Variants in FOXD1 observed in about 807,000 individuals in gnomAD.
FOXD1 encodes the protein forkhead box protein D1.
A neutral mutation model predicts 2.0 loss-of-function variants in FOXD1; 4 were observed. The ratio of observed to expected loss-of-function variants is 2.03; its 90% confidence interval spans 1.00 to 4.64. The LOEUF is 4.64. Among genes scored for constraint, FOXD1 ranks in the 30% most tolerant of loss-of-function variants. FOXD1 has a pLI of 0.01. For synonymous variants in FOXD1, 354 were observed against 328.5 expected (o/e 1.08, Z -0.84); for missense variants, 586 against 647.6 (o/e 0.90, Z 1.03).
Position 73,447,405 on chromosome 5 carries a change from C to T in FOXD1, c.958G>A (p.Ala320Thr), listed in dbSNP as rs1010109650. 1 of 981,764 alleles carries T rather than the reference C, an allele frequency of 1.0e-6. No homozygotes were observed. Among genetic ancestry groups the T allele is most frequent in the Non-Finnish European group, 1.2e-6 (1 of 829,280 alleles). 60.8% of individuals were successfully genotyped at this position (981,764 alleles called of 1,614,324 possible). Residue 320 changes from alanine to threonine, a missense_variant, in exon 1 of 1, where the codon GCC becomes ACC. Transcript: ENST00000615637. This position sits in a 1 kb window ranked among gnomAD's most constrained non-coding sequence, Gnocchi z 7.8. ...PPPPPPHGAAAELARTAFGYR... is the reference protein window; with the variant it reads ...PPPPPPHGAATELARTAFGYR... The stretch of plus-strand genomic sequence containing the variant: ...CCGAAGGCGGTCCGGGCCAGCTCGG[C>T]GGCCGCGCCGTGCGGTGGCGGGGGC...
chr5:73,447,514 C>T lies in FOXD1; in HGVS notation c.849G>A (p.Pro283=), dbSNP rs1745527635. The T allele has an allele frequency of 2.0e-6, 2 of 1,019,672 alleles. No homozygotes were observed. Among genetic ancestry groups the T allele is most frequent in the Non-Finnish European group, 2.3e-6 (2 of 854,876 alleles). 63.2% of individuals were successfully genotyped at this position (1,019,672 alleles called of 1,614,324 possible). The change falls in exon 1 of 1, where the codon CCG becomes CCA. Residue 283 remains proline, a synonymous_variant. Coordinates refer to ENST00000615637, the MANE Select transcript of FOXD1 (RefSeq NM_004472.3). This position sits in a 1 kb window ranked among gnomAD's most constrained non-coding sequence, Gnocchi z 7.8. The stretch of plus-strand genomic sequence containing the variant: ...AGAGGGCCGAGGGCGGCGCGTAAGG[C>T]GGCAGCTGCAGGCCGTAGCCGCAGC... ...PYGCGYGLQL[P]PYAPPSALFA...
chr5:73,448,222 A>C lies in FOXD1; in HGVS notation c.141T>G (p.Ala47=). ...GCCGCCGCCGCCGCTGCGCGGGGACAGCCAGCCGGGGCCCGCCACCGCCGC... is the reference window on the plus strand; with the variant it reads ...GCCGCCGCCGCCGCTGCGCGGGGACCGCCAGCCGGGGCCCGCCACCGCCGC... ...DEGGGGGPRL[A]VPAQRRRRRR... Residue 47 remains alanine, a synonymous_variant, in exon 1 of 1, where the codon GCT becomes GCG. Transcript: ENST00000615637. The C allele has an allele frequency of 6.8e-7, 1 of 1,477,536 alleles. No individual in the cohort carries two copies. The highest frequency in any genetic ancestry group is 9.0e-7 in the Non-Finnish European group (1 of 1,108,126). 91.5% of individuals were successfully genotyped at this position (1,477,536 alleles called of 1,614,324 possible).
In FOXD1 at chr5:73,448,766, A is replaced by G. The variant is rs1745562711; in HGVS notation, c.-404T>C. ...TCTAAGAACAGAGCTCGGCGAGGCC[A>G]GGGCTGAGTCCAGGAGAGGGCGGAC... is the stretch of plus-strand genomic sequence containing the variant. On this transcript the variant is annotated 5_prime_UTR_variant, in exon 1 of 1. Coordinates refer to ENST00000615637, the MANE Select transcript of FOXD1 (RefSeq NM_004472.3). Among the ~76,000 whole-genome samples, 1 of 152,202 alleles carries G rather than the reference A, an allele frequency of 6.6e-6. No homozygotes were observed. The highest frequency in any genetic ancestry group is 2.1e-4 in the South Asian group (1 of 4,834).
At position 73,447,205 on chromosome 5, in the gene FOXD1, GGCGGCGGCCTGCGCGGCGGCGGCGGCA is replaced by G. The variant is rs1161810384; in HGVS notation, c.1131_1157del (p.Ala380_Ala388del). On this transcript the variant is annotated inframe_deletion, in exon 1 of 1. Transcript: ENST00000615637. This position sits in a 1 kb window ranked among gnomAD's most constrained non-coding sequence, Gnocchi z 7.8. Reference sequence around the variant, plus strand: ...AGGGCGAGGGCGAGGCCTGAGCGGCGGCGGCGGCCTGCGCGGCGGCGGCGGCAGCGGCGGCCGGGCCCAAGCTGCCCC... The same window carrying G: ...AGGGCGAGGGCGAGGCCTGAGCGGCGGCGGCGGCCGGGCCCAAGCTGCCCC... 4.5e-5 allele frequency: 41 copies of G among 905,944 alleles called. No individual in the cohort carries two copies. The highest frequency in any genetic ancestry group is 5.1e-5 in the Non-Finnish European group (39 of 757,466). 56.1% of individuals were successfully genotyped at this position (905,944 alleles called of 1,614,324 possible).
In FOXD1 at chr5:73,446,819, T is replaced by G. The variant is rs1359613135; in HGVS notation, c.*146A>C. ...AGGCGCGCCCGGGCTGTTGACAGTTTTGTCCGAGAATTCGCAGCGGCGAAA... is the reference window on the plus strand; with the variant it reads ...AGGCGCGCCCGGGCTGTTGACAGTTGTGTCCGAGAATTCGCAGCGGCGAAA... On this transcript the variant is annotated 3_prime_UTR_variant, in exon 1 of 1. Coordinates refer to ENST00000615637, the MANE Select transcript of FOXD1 (RefSeq NM_004472.3). 2 of 720,114 alleles carry G rather than the reference T, an allele frequency of 2.8e-6. No homozygotes were observed. Among genetic ancestry groups the G allele is most frequent in the Non-Finnish European group, 4.6e-6 (2 of 431,886 alleles). 44.6% of individuals were successfully genotyped at this position (720,114 alleles called of 1,614,324 possible). A position where few individuals can be genotyped will look rare whatever the true frequency, so the allele number is the denominator to read the frequency against.
In FOXD1 at chr5:73,448,479, G is replaced by GCC; in HGVS notation, c.-118_-117insGG. ...GGCCGGGGGGCGCCACGCTGGGGGCGCTGCGACTGCGGCTGCCGGAGCTGC... is the reference window on the plus strand; with the variant it reads ...GGCCGGGGGGCGCCACGCTGGGGGCGCCCTGCGACTGCGGCTGCCGGAGCTGC... On this transcript the variant is annotated 5_prime_UTR_variant, in exon 1 of 1. Transcript: ENST00000615637. The GCC allele has an allele frequency of 1.8e-6, 1 of 542,264 alleles. No individual in the cohort carries two copies. The highest frequency in any genetic ancestry group is 2.4e-6 in the Non-Finnish European group (1 of 424,692). 33.6% of individuals were successfully genotyped at this position (542,264 alleles called of 1,614,324 possible). A position where few individuals can be genotyped will look rare whatever the true frequency, so the allele number is the denominator to read the frequency against.
chr5:73,448,411 G>GGGCTCCC lies in FOXD1; in HGVS notation c.-56_-50dup. 1 of 1,114,566 alleles carries GGGCTCCC rather than the reference G, an allele frequency of 9.0e-7. No homozygotes were observed. The highest frequency in any genetic ancestry group is 1.1e-6 in the Non-Finnish European group (1 of 903,214). 69.0% of individuals were successfully genotyped at this position (1,114,566 alleles called of 1,614,324 possible). Reference sequence around the variant, plus strand: ...GCGGCGCATGGGGGCGCCGGGCTCCGGGCTCCCTCTGCGCCCCAGCCCGGG... The same window carrying GGGCTCCC: ...GCGGCGCATGGGGGCGCCGGGCTCCGGGCTCCCGGCTCCCTCTGCGCCCCAGCCCGGG... On this transcript the variant is annotated 5_prime_UTR_variant, in exon 1 of 1. Transcript: ENST00000615637.
rs772738441 is a variant in FOXD1 at position 73,447,712 on chromosome 5, C to T, written c.651G>A (p.Arg217=). 4.4e-6 allele frequency: 7 copies of T among 1,608,242 alleles called. No individual in the cohort carries two copies. Among genetic ancestry groups the T allele is most frequent in the Non-Finnish European group, 5.9e-6 (7 of 1,177,616 alleles). ...DMFDNGSFLR[R]RKRFKRQPLL... is the part of the protein sequence containing the mutation. ...GCGGCTGCCGCTTGAAGCGCTTCCT[C>T]CGGCGCAGGAAGCTGCCGTTGTCGA... Residue 217 remains arginine (R), a synonymous_variant, in exon 1 of 1, where the codon CGG becomes CGA. Transcript: ENST00000615637. The surrounding 1 kb of genome is among the most constrained non-coding windows in gnomAD (Gnocchi z 7.8).
chr5:73,448,249 C>T lies in FOXD1; in HGVS notation c.114G>A (p.Glu38=), dbSNP rs966725692. The T allele has an allele frequency of 1.3e-5, 20 of 1,482,696 alleles. No individual in the cohort carries two copies. Among genetic ancestry groups the T allele is most frequent in the Non-Finnish European group, 1.7e-5 (19 of 1,109,918 alleles). 91.8% of individuals were successfully genotyped at this position (1,482,696 alleles called of 1,614,324 possible). A position where few individuals can be genotyped will look rare whatever the true frequency, so the allele number is the denominator to read the frequency against. Residue 38 remains glutamate (E), a synonymous_variant, in exon 1 of 1, where the codon GAG becomes GAA. Transcript: ENST00000615637. ...EEDEEEEDDD[E]GGGGGPRLAV... ...CCAGCCGGGGCCCGCCACCGCCGCC[C>T]TCGTCGTCGTCCTCCTCTTCCTCGT...
chr5:73,447,570 G>T lies in FOXD1; in HGVS notation c.793C>A (p.Pro265Thr). ...AALFPPAPPP[P>T]PHAYGYGPYG... ...GGGCCGTAGCCGTAGGCATGCGGGG[G>T]CGGCGGGGGCGCGGGCGGGAAGAGC... The change falls in exon 1 of 1, where the codon CCC (proline) becomes ACC (threonine). Residue 265 changes from proline (P) to threonine (T), a missense_variant. This residue lies in a region of FOXD1 where 253 missense variants were observed against 234.4 expected (regional missense o/e 1.08). Transcript: ENST00000615637. The surrounding 1 kb of genome is among the most constrained non-coding windows in gnomAD (Gnocchi z 7.8). 5.5e-6 allele frequency: 6 copies of T among 1,084,806 alleles called. No individual in the cohort carries two copies. Among genetic ancestry groups the T allele is most frequent in the Non-Finnish European group, 6.7e-6 (6 of 891,758 alleles). The allele number at this position is 1,084,806 out of a possible 1,614,324, so 67.2% of individuals were successfully genotyped here.
chr5:73,446,858 G>T lies in FOXD1; in HGVS notation c.*107C>A. 2 of 1,003,218 alleles carry T rather than the reference G, an allele frequency of 2.0e-6. No homozygotes were observed. Among genetic ancestry groups the T allele is most frequent in the South Asian group, 1.4e-5 (1 of 71,370 alleles). The allele number at this position is 1,003,218 out of a possible 1,614,324, so 62.1% of individuals were successfully genotyped here. Reference sequence around the variant, plus strand: ...GCAGCGGCGAAAATGGGCGCGCGAGGTCGAGAGGGGCCGCGCCTGGAGGAG... The same window carrying T: ...GCAGCGGCGAAAATGGGCGCGCGAGTTCGAGAGGGGCCGCGCCTGGAGGAG... On this transcript the variant is annotated 3_prime_UTR_variant, in exon 1 of 1. Transcript: ENST00000615637.
Position 73,447,443 on chromosome 5 carries a change from T to C in FOXD1, c.920A>G (p.His307Arg). The change falls in exon 1 of 1, where the codon CAC becomes CGC. Residue 307 changes from histidine to arginine, a missense_variant. By Grantham distance (29) the His-to-Arg change is conservative (BLOSUM62 0). Around this residue, in one of 4 missense-constraint regions of FOXD1, gnomAD observed 253 missense variants for 234.4 expected, o/e 1.08. Transcript: ENST00000615637. This position sits in a 1 kb window ranked among gnomAD's most constrained non-coding sequence, Gnocchi z 7.8. The stretch of plus-strand genomic sequence containing the variant: ...CGGTGGCGGGGGCGGCGGGGGCGAG[T>C]GCGGGTGGAAGGCGGCGGCGGCGGC... Reference protein sequence around the residue: ...AAAAAAAFHPHSPPPPPPPHG... With the variant: ...AAAAAAAFHPRSPPPPPPPHG... 1.1e-6 allele frequency: 1 copy of C among 951,422 alleles called. No individual in the cohort carries two copies. The highest frequency in any genetic ancestry group is 1.3e-4 in the East Asian group (1 of 7,682). 58.9% of individuals were successfully genotyped at this position (951,422 alleles called of 1,614,324 possible).
At position 73,447,018 on chromosome 5, in the gene FOXD1, C is replaced by T; in HGVS notation, c.1345G>A (p.Gly449Arg). 6.5e-7 allele frequency: 1 copy of T among 1,547,608 alleles called. No individual in the cohort carries two copies. The highest frequency in any genetic ancestry group is 8.7e-7 in the Non-Finnish European group (1 of 1,145,414). The change falls in exon 1 of 1, where the codon GGG becomes AGG. Residue 449 changes from glycine to arginine, a missense_variant. By Grantham distance (125) the Gly-to-Arg change is moderately radical. This residue lies in a region of FOXD1 where 46 missense variants were observed against 78.6 expected (regional missense o/e 0.58). Transcript: ENST00000615637. This position sits in a 1 kb window ranked among gnomAD's most constrained non-coding sequence, Gnocchi z 7.8. ...SSAALGTLHQ[G>R]TALSSVENFT... The stretch of plus-strand genomic sequence containing the variant: ...TTCTCGACACTGGACAGGGCAGTCC[C>T]TTGGTGCAGAGTCCCCAAGGCGGCG...
Position 73,446,841 on chromosome 5 carries a change from G to A in FOXD1, c.*124C>T. 2 of 865,464 alleles carry A rather than the reference G, an allele frequency of 2.3e-6. No individual in the cohort carries two copies. The highest frequency in any genetic ancestry group is 1.8e-6 in the Non-Finnish European group (1 of 565,502). 53.6% of individuals were successfully genotyped at this position (865,464 alleles called of 1,614,324 possible). A position where few individuals can be genotyped will look rare whatever the true frequency, so the allele number is the denominator to read the frequency against. On this transcript the variant is annotated 3_prime_UTR_variant, in exon 1 of 1. Coordinates refer to ENST00000615637, the MANE Select transcript of FOXD1 (RefSeq NM_004472.3). ...GTTTTGTCCGAGAATTCGCAGCGGC[G>A]AAAATGGGCGCGCGAGGTCGAGAGG...
In FOXD1 at chr5:73,448,003, C is replaced by T; in HGVS notation, c.360G>A (p.Lys120=). The change falls in exon 1 of 1, where the codon AAG becomes AAA. Residue 120 remains lysine, a synonymous_variant. Transcript: ENST00000615637. ...AGTAGGGCGGCTTCACCAGCGGGTT[C>T]TTGGCGCCGCTACCCGCGCTCCCGC... ...GGGGSAGSGA[K]NPLVKPPYSY... 6.9e-7 allele frequency: 1 copy of T among 1,440,356 alleles called. No homozygotes were observed. The highest frequency in any genetic ancestry group is 9.2e-7 in the Non-Finnish European group (1 of 1,089,908). The allele number at this position is 1,440,356 out of a possible 1,614,324, so 89.2% of individuals were successfully genotyped here. A position where few individuals can be genotyped will look rare whatever the true frequency, so the allele number is the denominator to read the frequency against.
At position 73,447,333 on chromosome 5, in the gene FOXD1, C is replaced by G; in HGVS notation, c.1030G>C (p.Ala344Pro). The change falls in exon 1 of 1, where the codon GCC (alanine) becomes CCC (proline). Residue 344 changes from alanine to proline, a missense_variant. By Grantham distance (27) the Ala-to-Pro change is conservative (BLOSUM62 -1). Transcript: ENST00000615637. This position sits in a 1 kb window ranked among gnomAD's most constrained non-coding sequence, Gnocchi z 7.8. Reference protein sequence around the residue: ...LGAALPGPLPASAAKAGGPGA... With the variant: ...LGAALPGPLPPSAAKAGGPGA... ...GGGCCGCCCGCCTTGGCCGCGGAGG[C>G]CGGCAGGGGGCCGGGTAGGGCGGCG... 1.0e-6 allele frequency: 1 copy of G among 984,364 alleles called. No homozygotes were observed. Among genetic ancestry groups the G allele is most frequent in the Non-Finnish European group, 1.2e-6 (1 of 830,746 alleles). 61.0% of individuals were successfully genotyped at this position (984,364 alleles called of 1,614,324 possible). A position where few individuals can be genotyped will look rare whatever the true frequency, so the allele number is the denominator to read the frequency against.
At position 73,447,690 on chromosome 5, in the gene FOXD1, G is replaced by T; in HGVS notation, c.673C>A (p.Pro225Thr). Residue 225 changes from proline (P) to threonine (T), a missense_variant, in exon 1 of 1, where the codon CCG becomes ACG. By Grantham distance (38) the Pro-to-Thr change is conservative (BLOSUM62 -1). Transcript: ENST00000615637. The surrounding 1 kb of genome is among the most constrained non-coding windows in gnomAD (Gnocchi z 7.8). The stretch of plus-strand genomic sequence containing the variant: ...GCCGCGGCGTTGGGTGGGAGCAGCG[G>T]CTGCCGCTTGAAGCGCTTCCTCCGG... ...LRRRKRFKRQ[P>T]LLPPNAAAAE... 4 of 1,603,392 alleles carry T rather than the reference G, an allele frequency of 2.5e-6. No homozygotes were observed. The highest frequency in any genetic ancestry group is 3.4e-6 in the Non-Finnish European group (4 of 1,175,868).
At position 73,446,747 on chromosome 5, in the gene FOXD1, G is replaced by GT; in HGVS notation, c.*217dup. Reference sequence around the variant, plus strand: ...ACCCCAGGTCGGGGGTTGGGGGGCTGTAGCATAGGTCGGCTTTGCATAAAT... The same window carrying GT: ...ACCCCAGGTCGGGGGTTGGGGGGCTGTTAGCATAGGTCGGCTTTGCATAAAT... On this transcript the variant is annotated 3_prime_UTR_variant, in exon 1 of 1. Transcript: ENST00000615637. 2.0e-6 allele frequency: 1 copy of GT among 490,440 alleles called. No homozygotes were observed. Among genetic ancestry groups the GT allele is most frequent in the East Asian group, 4.2e-5 (1 of 23,726 alleles). 30.4% of individuals were successfully genotyped at this position (490,440 alleles called of 1,614,324 possible). A position where few individuals can be genotyped will look rare whatever the true frequency, so the allele number is the denominator to read the frequency against.
In FOXD1 at chr5:73,448,260, C is replaced by A; in HGVS notation, c.103G>T (p.Asp35Tyr). 1 of 1,479,996 alleles carries A rather than the reference C, an allele frequency of 6.8e-7. No homozygotes were observed. Among genetic ancestry groups the A allele is most frequent in the Non-Finnish European group, 9.0e-7 (1 of 1,108,182 alleles). The allele number at this position is 1,479,996 out of a possible 1,614,324, so 91.7% of individuals were successfully genotyped here. A position where few individuals can be genotyped will look rare whatever the true frequency, so the allele number is the denominator to read the frequency against. ...CCGCCACCGCCGCCCTCGTCGTCGT[C>A]CTCCTCTTCCTCGTCTTCTTCGTCC... ...GEDEEDEEEEDDDEGGGGGPR... is the reference protein window; with the variant it reads ...GEDEEDEEEEYDDEGGGGGPR... The change falls in exon 1 of 1, where the codon GAC (aspartate) becomes TAC (tyrosine). Residue 35 changes from aspartate (D) to tyrosine (Y), a missense_variant. Coordinates refer to ENST00000615637, the MANE Select transcript of FOXD1 (RefSeq NM_004472.3).
Sources: gnomAD v4.1 joint callset for allele counts (sites outside exome capture counted in the v4.1 genomes callset) on GRCh38, gnomAD v4.1.1 for gene constraint, gnomAD v4.1.1 regional missense constraint, Gnocchi (gnomAD v3.1) non-coding constraint, MANE v1.5 for transcripts, NCBI Gene and HGNC (gene_info 2026-07-23, HGNC 2026-07-21) for gene names.